TMEM108: variants seen among roughly 807,000 people sequenced by gnomAD.
TMEM108 encodes the protein cancer/testis antigen 124.
In TMEM108, 12 loss-of-function variants were observed where a neutral mutation model predicts 35.1. The observed-to-expected ratio is 0.34, with a 90% confidence interval of 0.22 to 0.55. The LOEUF (loss-of-function observed/expected upper bound fraction) is 0.55. Among genes scored for constraint, TMEM108 ranks in the 20% least tolerant of loss-of-function variants. The pLI, the probability that TMEM108 is intolerant of heterozygous loss-of-function variation, is 0.89. For synonymous variants in TMEM108, 287 were observed against 308.6 expected (o/e 0.93, Z 0.73); for missense variants, 680 against 753.3 (o/e 0.90, Z 1.14).
intron 3 of TMEM108, among the ~76,000 whole-genome samples, chr3:133,279,366 G>T (rs1193661566): frequency 1.3e-5 from 2 of 152,174 alleles, no homozygotes; most frequent in African/African-American, 2.4e-5. Flanking sequence ...GATGAGAAAG[G>T]AATGTAAAGA....
chr3:133,257,989 G>A (rs1019097451), intron 3 of TMEM108, among the ~76,000 whole-genome samples: 1 of 152,146 alleles, frequency 6.6e-6, no homozygotes, highest in African/African-American at 2.4e-5. Flanking sequence ...GTCCCATAGT[G>A]AAAATACCAT....
chr3:133,181,554 G>A (rs956849911), intron 2 of TMEM108, among the ~76,000 whole-genome samples: 1 of 152,068 alleles, frequency 6.6e-6, no homozygotes. Context: ...CCTTCCCACA[G>A]CCCAGACCCA....
chr3:133,164,109 G>T (rs545581286), intron 2 of TMEM108, among the ~76,000 whole-genome samples: 1 of 152,040 alleles, frequency 6.6e-6, no homozygotes, highest in East Asian at 1.9e-4. Flanking sequence ...TGGACTCTTA[G>T]ATCAATTTAT....
Position 133,276,463 on chromosome 3 carries a change from G to A in TMEM108, c.40+47112G>A, listed in dbSNP as rs141002784. Among the ~76,000 whole-genome samples, 70 of 152,328 alleles carry A rather than the reference G, an allele frequency of 4.6e-4. No homozygotes were observed. The East Asian group carries it at 0.013, about 29-fold the overall frequency. The stretch of plus-strand genomic sequence containing the variant: ...GAATTCAGCTACAGGTATGGCATTT[G>A]CAATCCTGATGTGGGCCTTGATCAT... On this transcript the variant is annotated intron_variant, in intron 3 of 5. Transcript: ENST00000321871.
intron 2 of TMEM108, among the ~76,000 whole-genome samples, chr3:133,162,907 G>C (rs1944981723): frequency 6.6e-6 from 1 of 152,220 alleles, no homozygotes; most frequent in Non-Finnish European, 1.5e-5. Context: ...GGCAGCATAT[G>C]AAACAGTTTG....
intron 2 of TMEM108, among the ~76,000 whole-genome samples, chr3:133,180,772 C>G (rs750458683): frequency 6.6e-6 from 1 of 152,028 alleles, no homozygotes; most frequent in Admixed American, 6.6e-5. Flanking sequence ...CAGAATTCAA[C>G]ATTTATAAAT....
At chr3:133,156,770 T>A (rs1336777749) in intron 2 of TMEM108, among the ~76,000 whole-genome samples, 1 of 152,166 alleles carries the variant, frequency 6.6e-6, no homozygotes, top group African/African-American at 2.4e-5. Flanking sequence ...TGGCCATGTG[T>A]CTTACTCTGG....
chr3:133,321,660 A>G (rs1159961451), intron 3 of TMEM108, among the ~76,000 whole-genome samples: 2 of 152,210 alleles, frequency 1.3e-5, no homozygotes, highest in East Asian at 1.9e-4. Context: ...AACTTAAACT[A>G]TGCCCTAGAA....
intron 3 of TMEM108, among the ~76,000 whole-genome samples, chr3:133,316,886 G>A (rs1279081984): frequency 1.3e-5 from 2 of 152,200 alleles, no homozygotes; most frequent in Non-Finnish European, 2.9e-5. Flanking sequence ...CATAGACAGA[G>A]CAGGAAAATC....
intron 2 of TMEM108, among the ~76,000 whole-genome samples, chr3:133,055,618 C>T (rs1943457119): frequency 6.6e-6 from 1 of 152,182 alleles, no homozygotes; most frequent in Non-Finnish European, 1.5e-5. Context: ...CTGAACTGCC[C>T]TATTCTTCCT....
intron 2 of TMEM108, among the ~76,000 whole-genome samples, chr3:133,112,203 G>A (rs1235667258): frequency 1.3e-5 from 2 of 151,990 alleles, no homozygotes; most frequent in African/African-American, 4.8e-5. Context: ...TAAAAATGAT[G>A]GTCATGGATA....
chr3:133,135,670 A>C (rs1301312339), intron 2 of TMEM108, among the ~76,000 whole-genome samples: 1 of 152,258 alleles, frequency 6.6e-6, no homozygotes, highest in East Asian at 1.9e-4. Context: ...GTCACCTGAG[A>C]GGAAGCTGAG....
At chr3:133,267,363 C>T (rs995734883) in intron 3 of TMEM108, among the ~76,000 whole-genome samples, 3 of 152,204 alleles carry the variant, frequency 2.0e-5, no homozygotes, top group Middle Eastern at 3.4e-3. Context: ...AGCGGAGAGG[C>T]GTCTGCTCAA....
intron 3 of TMEM108, among the ~76,000 whole-genome samples, chr3:133,342,505 CAAAAATT>C (rs1331768414): frequency 1.1e-5 from 1 of 89,106 alleles, no homozygotes; most frequent in Non-Finnish European, 2.3e-5. Flanking sequence ...TATATAACCA[CAAAAATT>C]AAAAATTAAA....
intron 2 of TMEM108, among the ~76,000 whole-genome samples, chr3:133,099,900 T>C (rs1944065465): frequency 6.6e-6 from 1 of 152,216 alleles, no homozygotes. Context: ...CCCTCCAAAG[T>C]GTTCCAGCCT....
chr3:133,162,142 TC>T (rs1464368198), intron 2 of TMEM108, among the ~76,000 whole-genome samples: 1 of 150,490 alleles, frequency 6.6e-6, no homozygotes, highest in Non-Finnish European at 1.5e-5. Context: ...GAGCATTGAA[TC>T]CTAGACTTTT....
Position 133,178,059 on chromosome 3 carries a change from C to G in TMEM108, c.-46-51207C>G, listed in dbSNP as rs193265439. 5.4e-5 allele frequency among the ~76,000 whole-genome samples: 8 copies of G among 148,334 alleles called. 1 individual carries two copies. Among genetic ancestry groups the G allele is most frequent in the African/African-American group, 1.9e-4 (8 of 41,300 alleles). On this transcript the variant is annotated intron_variant, in intron 2 of 5. Transcript: ENST00000321871. ...GCCAAATCATGAGTGAACTCCCATT[C>G]ACAATTGCTTCAAAGGGAATAAAAT...
intron 5 of TMEM108, among the ~76,000 whole-genome samples, chr3:133,395,131 T>C (rs143289802): frequency 3.0e-4 from 45 of 152,344 alleles, no homozygotes; most frequent in African/African-American, 1.0e-3. Context: ...CAGATTACCT[T>C]CTGGGCAGTG....
At position 133,284,963 on chromosome 3, in the gene TMEM108, G is replaced by A. The variant is rs548300850; in HGVS notation, c.40+55612G>A. 4.6e-5 allele frequency among the ~76,000 whole-genome samples: 7 copies of A among 151,672 alleles called. No homozygotes were observed. The South Asian group carries it at 1.2e-3, about 27-fold the overall frequency. The stretch of plus-strand genomic sequence containing the variant: ...TACTTTGATGAGTATGTTTACCAAC[G>A]CTTTCTTATTTATTTGTTCTTGCCT... On this transcript the variant is annotated intron_variant, in intron 3 of 5. Coordinates refer to ENST00000321871, the MANE Select transcript of TMEM108 (RefSeq NM_023943.4).
Sources: allele counts gnomAD v4.1 joint callset (sites outside exome capture counted in the v4.1 genomes callset), GRCh38; gene constraint gnomAD v4.1.1; transcripts MANE v1.5; gene names NCBI Gene and HGNC (gene_info 2026-07-23, HGNC 2026-07-21).